The following ADCK2 variants were observed in gnomAD, a reference collection of about 807,000 sequenced individuals.
ADCK2 encodes aarF domain containing kinase 2, also known as uncharacterized aarF domain-containing protein kinase 2.
A neutral mutation model predicts 52.3 loss-of-function variants in ADCK2; 37 were observed. The ratio of observed to expected loss-of-function variants is 0.71; its 90% confidence interval spans 0.54 to 0.93. The LOEUF (loss-of-function observed/expected upper bound fraction) is 0.93. Among genes scored for constraint, ADCK2 ranks in the 40% least tolerant of loss-of-function variants. ADCK2 has a pLI of 0.00. For synonymous variants in ADCK2, 321 were observed against 349.2 expected (o/e 0.92, Z 0.90); for missense variants, 695 against 798.7 (o/e 0.87, Z 1.56).
chr7:140,675,217 G>A (rs1285924952), intron 2 of ADCK2, among the ~76,000 whole-genome samples: 2 of 152,190 alleles, frequency 1.3e-5, no homozygotes, highest in African/African-American at 4.8e-5. Context: ...CTCCAGCCTG[G>A]CGACAGAGTG....
rs775273615 is a variant in ADCK2, at chr7:140,674,097, A to G, written c.767A>G (p.Tyr256Cys). 2.5e-6 allele frequency: 4 copies of G among 1,614,072 alleles called. No homozygotes were observed. The South Asian group carries it at 3.3e-5, about 13-fold the overall frequency. Residue 256 changes from tyrosine (Y) to cysteine (C), a missense_variant, in exon 1 of 8, where the codon TAC becomes TGC. Coordinates refer to ENST00000072869, the MANE Select transcript of ADCK2 (RefSeq NM_052853.4). The surrounding 1 kb of genome is among the most constrained non-coding windows in gnomAD (Gnocchi z 4.6). ...AVGGLRELFG[Y>C]LGNGRKPPEN... ...GGTGGGCTGAGAGAGCTCTTTGGAT[A>G]CCTTGGAAATGGCCGGAAACCTCCA... is the stretch of plus-strand genomic sequence containing the variant.
At chr7:140,683,157 C>T (rs1794546725) in intron 4 of ADCK2, among the ~76,000 whole-genome samples, 1 of 151,900 alleles carries the variant, frequency 6.6e-6, no homozygotes, top group South Asian at 2.1e-4. Flanking sequence ...AAAAATTAGC[C>T]AGACGTGGTG....
rs754242732 is a variant in ADCK2 at position 140,674,136 on chromosome 7, A to G, written c.806A>G (p.Asp269Gly). The G allele has an allele frequency of 6.2e-7, 1 of 1,614,066 alleles. No individual in the cohort carries two copies. Among genetic ancestry groups the G allele is most frequent in the South Asian group, 1.1e-5 (1 of 91,068 alleles). The change falls in exon 1 of 8, where the codon GAC (aspartate) becomes GGC (glycine). Residue 269 changes from aspartate (D) to glycine (G), a missense_variant. By Grantham distance (94) the Asp-to-Gly change is moderately conservative. Transcript: ENST00000072869. This position sits in a 1 kb window ranked among gnomAD's most constrained non-coding sequence, Gnocchi z 4.6. ...CGGAAACCTCCAGAAAATCTCGCAG[A>G]CCAGTCGTTTCTAGAAAGGCTGCTC... ...NGRKPPENLA[D>G]QSFLERLLLP...
chr7:140,684,365 T>A (rs1450508686), intron 4 of ADCK2, among the ~76,000 whole-genome samples: 1 of 152,060 alleles, frequency 6.6e-6, no homozygotes, highest in African/African-American at 2.4e-5. Flanking sequence ...CCACGCTAGT[T>A]ATGGCTGCCT....
At position 140,672,971 on chromosome 7, in the gene ADCK2, C is replaced by T. The variant is rs1174259953; in HGVS notation, c.-360C>T. 6.6e-6 allele frequency among the ~76,000 whole-genome samples: 1 copy of T among 151,266 alleles called. No homozygotes were observed. Among genetic ancestry groups the T allele is most frequent in the South Asian group, 2.1e-4 (1 of 4,836 alleles). On this transcript the variant is annotated 5_prime_UTR_variant, in exon 1 of 8. Coordinates refer to ENST00000072869, the MANE Select transcript of ADCK2 (RefSeq NM_052853.4). ...CCACCCCAGCGATCTCATACTGGCC[C>T]CTGGGCGCACGGTGACCCTGCGGCT... is the stretch of plus-strand genomic sequence containing the variant.
Position 140,678,080 on chromosome 7 carries a change from A to G in ADCK2, c.1081-1075A>G, listed in dbSNP as rs1794450764. Among the ~76,000 whole-genome samples the G allele has an allele frequency of 5.9e-5, 9 of 152,038 alleles. No homozygotes were observed. The highest frequency in any genetic ancestry group is 4.6e-4 in the Admixed American group (7 of 15,254). ...CCATGCAGGTAATGGATTGGAGAGG[A>G]AGGATGGGTCAAGGAGCACACTCGA... On this transcript the variant is annotated intron_variant, in intron 2 of 7. Transcript: ENST00000072869. This position sits in a 1 kb window ranked among gnomAD's most constrained non-coding sequence, Gnocchi z 4.9.
At chr7:140,679,324 C>T (rs1362114128) in intron 3 of ADCK2, 41 bp downstream of exon 3, 2 of 1,609,950 alleles carry the variant, frequency 1.2e-6, no homozygotes, top group East Asian at 2.2e-5. Context: ...TTTCACTTGC[C>T]ACTCGCAGTG....
At chr7:140,685,858 T>C (rs1273236408) in intron 4 of ADCK2, among the ~76,000 whole-genome samples, 1 of 152,174 alleles carries the variant, frequency 6.6e-6, no homozygotes, top group African/African-American at 2.4e-5. Context: ...TGACCGGTTA[T>C]TGGAAGCTGA....
chr7:140,688,957 A>T (rs185878747), intron 5 of ADCK2, among the ~76,000 whole-genome samples: 1,626 of 152,190 alleles, frequency 0.011, 38 homozygotes, highest in African/African-American at 0.037. Context: ...TGTTTTTTTT[A>T]AAAATTAATT....
chr7:140,689,771 G>A, intron 6 of ADCK2, 46 bp downstream of exon 6: 3 of 1,555,216 alleles, frequency 1.9e-6, no homozygotes, highest in Non-Finnish European at 2.6e-6. Context: ...TCCATACCTG[G>A]CCTGGGGCAG....
At chr7:140,680,907 G>C in intron 3 of ADCK2, 135 bp from the exon 4 acceptor site, 1 of 726,648 alleles carries the variant, frequency 1.4e-6, no homozygotes, top group Non-Finnish European at 2.4e-6. Flanking sequence ...ATGACAGATG[G>C]GTTCTAGGAA....
intron 6 of ADCK2, 24 bp downstream of exon 6, chr7:140,689,749 G>A: frequency 1.3e-6 from 2 of 1,595,190 alleles, no homozygotes; most frequent in Non-Finnish European, 8.6e-7. Context: ...TTGCGGAACA[G>A]GGGCTGGGGA....
At chr7:140,677,058 A>C (rs528758003) in intron 2 of ADCK2, among the ~76,000 whole-genome samples, 22 of 138,140 alleles carry the variant, frequency 1.6e-4, no homozygotes, top group African/African-American at 5.4e-4. Context: ...AACAAACAAA[A>C]AACTCTGTTA....
Position 140,674,544 on chromosome 7 carries a change from C to T in ADCK2, c.934-67C>T. On this transcript the variant is annotated intron_variant, in intron 1 of 7. Coordinates refer to ENST00000072869, the MANE Select transcript of ADCK2 (RefSeq NM_052853.4). This position sits in a 1 kb window ranked among gnomAD's most constrained non-coding sequence, Gnocchi z 4.6. ...CCTGGCTCTTGCTTGGATGGTGGGA[C>T]CCAGCCCTGGCTGGGTAAAATGTGT... 1 of 1,551,354 alleles carries T rather than the reference C, an allele frequency of 6.4e-7. No individual in the cohort carries two copies. The highest frequency in any genetic ancestry group is 8.7e-7 in the Non-Finnish European group (1 of 1,147,198).
chr7:140,679,350 C>T (rs971726735), intron 3 of ADCK2, 67 bp downstream of exon 3: 1 of 1,588,066 alleles, frequency 6.3e-7, no homozygotes, highest in African/African-American at 1.3e-5. Context: ...GTCTCCAGCC[C>T]ACAGAAAGGC....
chr7:140,687,569 C>T (rs1401920958), intron 5 of ADCK2, among the ~76,000 whole-genome samples: 4 of 152,032 alleles, frequency 2.6e-5, no homozygotes, highest in African/African-American at 9.7e-5. Context: ...ATAAAATTAG[C>T]CAGGCATGGT....
At chr7:140,692,618 C>T (rs1794727966) in intron 7 of ADCK2, among the ~76,000 whole-genome samples, 3 of 152,210 alleles carry the variant, frequency 2.0e-5, no homozygotes, top group Non-Finnish European at 4.4e-5. Context: ...CTTGGCCTCC[C>T]GAAGTGCTGC....
rs771746904 is a variant in ADCK2 at position 140,673,680 on chromosome 7, A to AC, written c.355dup (p.Leu119ProfsTer65). 1.3e-6 allele frequency: 2 copies of AC among 1,598,194 alleles called. No homozygotes were observed. Among genetic ancestry groups the AC allele is most frequent in the African/African-American group, 2.8e-5 (2 of 70,444 alleles). On this transcript the variant is annotated frameshift_variant, in exon 1 of 8. Transcript: ENST00000072869. LOFTEE classifies it high-confidence loss of function. This position sits in a 1 kb window ranked among gnomAD's most constrained non-coding sequence, Gnocchi z 6.4. ...AAATTCTTCCCCCTCCTACTCCTCT[A>AC]CCCCCTCACCTACCTGGCTCCCAGC...
At chr7:140,681,168 C>G in intron 4 of ADCK2, 31 bp downstream of exon 4, 4 of 1,602,224 alleles carry the variant, frequency 2.5e-6, no homozygotes, top group Non-Finnish European at 3.4e-6. Flanking sequence ...GGCTCAGGCC[C>G]AGCATGTGGT....
Sources: gnomAD v4.1 joint callset for allele counts (sites outside exome capture counted in the v4.1 genomes callset) on GRCh38, gnomAD v4.1.1 for gene constraint, Gnocchi (gnomAD v3.1) non-coding constraint, MANE v1.5 for transcripts, NCBI Gene and HGNC (gene_info 2026-07-23, HGNC 2026-07-21) for gene names.